The following PARD3 variants were observed in gnomAD, a reference collection of about 807,000 sequenced individuals.
PARD3 encodes par-3 family cell polarity regulator.
PARD3 carries 75 observed loss-of-function variants against 155.4 expected under a neutral mutation model. The ratio of observed to expected loss-of-function variants is 0.48; its 90% confidence interval spans 0.40 to 0.58. The LOEUF is 0.58. Ranked by LOEUF, PARD3 falls within the 20% of genes least tolerant of loss-of-function variation. PARD3 has a pLI of 0.00. For synonymous variants in PARD3, 576 were observed against 610.5 expected (o/e 0.94, Z 0.83); for missense variants, 1,642 against 1,721.7 (o/e 0.95, Z 0.82).
chr10:34,349,243 T>C (rs554951379), intron 14 of PARD3, among the ~76,000 whole-genome samples: 8 of 152,166 alleles, frequency 5.3e-5, no homozygotes, highest in East Asian at 1.9e-4. Context: ...CTGTTTAATA[T>C]AAATGAGATA....
At chr10:34,348,161 G>A in intron 14 of PARD3, 46 bp from the exon 15 acceptor site, 2 of 1,531,322 alleles carry the variant, frequency 1.3e-6, no homozygotes, top group Non-Finnish European at 1.8e-6. Context: ...AGTACCTGGA[G>A]GCCAATTAGC....
At chr10:34,736,781 T>A (rs984455114) in intron 1 of PARD3, among the ~76,000 whole-genome samples, 1 of 151,914 alleles carries the variant, frequency 6.6e-6, no homozygotes, top group Non-Finnish European at 1.5e-5. Flanking sequence ...TTCAAGCAAT[T>A]CTCCTCAGCC....
intron 4 of PARD3, among the ~76,000 whole-genome samples, chr10:34,464,433 C>T (rs1461453953): frequency 6.6e-6 from 1 of 152,028 alleles, no homozygotes. Flanking sequence ...ACTTTATTAG[C>T]CTAGAATTTA....
rs567345275 is a variant in PARD3, at chr10:34,224,102, G to A, written c.3419+45555C>T. On this transcript the variant is annotated intron_variant, in intron 22 of 24. Coordinates refer to ENST00000374788, the MANE Select transcript of PARD3 (RefSeq NM_001184785.2). ...AGGTCAGCCTCAGGAGGGAGAAGTC[G>A]TCTCATTCTGACAGCCTGAGCCAGA... is the stretch of plus-strand genomic sequence containing the variant. Among the ~76,000 whole-genome samples the A allele has an allele frequency of 1.6e-3, 243 of 152,310 alleles. 1 individual carries two copies. The highest frequency in any genetic ancestry group is 2.6e-3 in the Non-Finnish European group (177 of 68,024).
intron 20 of PARD3, among the ~76,000 whole-genome samples, chr10:34,316,681 C>T (rs61842461): frequency 1.3e-5 from 2 of 152,180 alleles, no homozygotes; most frequent in Non-Finnish European, 2.9e-5. Context: ...GGGGCTTTCA[C>T]TCTTATGCAT....
intron 1 of PARD3, among the ~76,000 whole-genome samples, chr10:34,713,005 T>C (rs2094469332): frequency 6.6e-6 from 1 of 152,098 alleles, no homozygotes; most frequent in South Asian, 2.1e-4. Context: ...AGTCAGGAGC[T>C]CGAGACCAGC....
At chr10:34,294,225 G>A (rs998504272) in intron 20 of PARD3, among the ~76,000 whole-genome samples, 1 of 152,212 alleles carries the variant, frequency 6.6e-6, no homozygotes, top group Admixed American at 6.5e-5. Flanking sequence ...CTTTGTTTGA[G>A]TTATAAACAT....
chr10:34,676,688 G>C (rs1481312608), intron 2 of PARD3, among the ~76,000 whole-genome samples: 2 of 152,208 alleles, frequency 1.3e-5, no homozygotes, highest in Admixed American at 6.5e-5. Flanking sequence ...GGTTTTGGCA[G>C]AGATCTCTAG....
At chr10:34,282,049 A>G (rs1956182919) in intron 21 of PARD3, among the ~76,000 whole-genome samples, 2 of 150,292 alleles carry the variant, frequency 1.3e-5, no homozygotes, top group Non-Finnish European at 3.0e-5. Flanking sequence ...TGCCAATACC[A>G]CAGACAGAAC....
intron 5 of PARD3, among the ~76,000 whole-genome samples, chr10:34,427,670 T>C (rs147161567): frequency 0.027 from 4,154 of 152,174 alleles, 189 homozygotes; most frequent in African/African-American, 0.095. Context: ...CCTTTGAAAA[T>C]TGCTAATAAA....
At chr10:34,489,676 C>T (rs2079753505) in intron 3 of PARD3, among the ~76,000 whole-genome samples, 1 of 152,192 alleles carries the variant, frequency 6.6e-6, no homozygotes, top group African/African-American at 2.4e-5. Context: ...TAATCTAAAC[C>T]ATTCATTCTC....
intron 1 of PARD3, among the ~76,000 whole-genome samples, chr10:34,704,250 CA>C (rs1185032910): frequency 6.6e-6 from 1 of 151,976 alleles, no homozygotes; most frequent in African/African-American, 2.4e-5. Context: ...GAAGATCAAC[CA>C]AAGGAAAAAA....
intron 4 of PARD3, among the ~76,000 whole-genome samples, chr10:34,454,459 T>A (rs2077226188): frequency 6.6e-6 from 1 of 152,172 alleles, no homozygotes; most frequent in South Asian, 2.1e-4. Context: ...ATGGCACTCG[T>A]AACCAATCTA....
chr10:34,738,619 C>T lies in PARD3; in HGVS notation c.121-42200G>A, dbSNP rs185415292. On this transcript the variant is annotated intron_variant, in intron 1 of 24. Coordinates refer to ENST00000374788, the MANE Select transcript of PARD3 (RefSeq NM_001184785.2). ...ATTAACCAGGCATGGTGGCACTCAT[C>T]GGCGGTTCCAGCTACCAGAGAGGCT... is the stretch of plus-strand genomic sequence containing the variant. Among the ~76,000 whole-genome samples the T allele has an allele frequency of 9.4e-3, 1,435 of 152,302 alleles. 21 individuals are homozygous for T. The highest frequency in any genetic ancestry group is 0.032 in the African/African-American group (1,319 of 41,570).
chr10:34,636,426 G>A (rs1229165899), intron 2 of PARD3, among the ~76,000 whole-genome samples: 1 of 152,162 alleles, frequency 6.6e-6, no homozygotes, highest in East Asian at 1.9e-4. Context: ...TTAATTCACT[G>A]GGTGCCCCCT....
chr10:34,124,183 C>T (rs2132713365), intron 23 of PARD3, among the ~76,000 whole-genome samples: 1 of 152,138 alleles, frequency 6.6e-6, no homozygotes, highest in Non-Finnish European at 1.5e-5. Context: ...TTTGTATGTC[C>T]AAGGGCACAT....
intron 1 of PARD3, among the ~76,000 whole-genome samples, chr10:34,699,372 G>T (rs1387930140): frequency 3.3e-5 from 5 of 151,998 alleles, no homozygotes; most frequent in Admixed American, 1.3e-4. Flanking sequence ...ATATAAAAAT[G>T]ACCTCCTCCC....
chr10:34,736,873 C>T (rs536411410), intron 1 of PARD3, among the ~76,000 whole-genome samples: 2 of 152,152 alleles, frequency 1.3e-5, no homozygotes, highest in East Asian at 1.9e-4. Flanking sequence ...AACAGGGTTT[C>T]GCCATGTTGG....
intron 1 of PARD3, among the ~76,000 whole-genome samples, chr10:34,759,238 T>C (rs1281534978): frequency 1.3e-5 from 2 of 151,918 alleles, no homozygotes. Context: ...GAAAACTGGC[T>C]CAGAACAGGG....
Sources: gnomAD v4.1 joint callset for allele counts (sites outside exome capture counted in the v4.1 genomes callset) on GRCh38, gnomAD v4.1.1 for gene constraint, MANE v1.5 for transcripts, NCBI Gene and HGNC (gene_info 2026-07-23, HGNC 2026-07-21) for gene names.